Variants in NINL observed in about 807,000 individuals in gnomAD.
NINL encodes ninein like.
A neutral mutation model predicts 160.3 loss-of-function variants in NINL; 153 were observed. That is an observed-to-expected ratio of 0.95 (90% CI 0.84 to 1.09). The LOEUF is 1.09. Ranked by LOEUF, NINL falls within the 50% of genes least tolerant of loss-of-function variation. The pLI is 0.00. For missense variants in NINL, 1,829 were observed against 1,764.0 expected, an observed-to-expected ratio of 1.04 and a Z score of -0.66; for synonymous variants, 800 against 734.8, an observed-to-expected ratio of 1.09 and a Z score of -1.43.
intron 1 of NINL, among the ~76,000 whole-genome samples, chr20:25,530,774 C>T (rs959007983): frequency 2.6e-5 from 4 of 152,026 alleles, no homozygotes; most frequent in South Asian, 2.1e-4. Context: ...ACAGAGATCA[C>T]GTGCTTCATA....
intron 10 of NINL, 97 bp downstream of exon 10, chr20:25,496,566 C>T (rs1456076352): frequency 2.7e-5 from 39 of 1,457,124 alleles, no homozygotes; most frequent in East Asian, 9.1e-5. Flanking sequence ...GAGCCACACC[C>T]GCAGCTCTGG....
intron 20 of NINL, 139 bp downstream of exon 20, chr20:25,462,244 C>A: frequency 1.4e-6 from 1 of 728,898 alleles, no homozygotes; most frequent in African/African-American, 1.8e-5. Flanking sequence ...GCACAGTCCA[C>A]CTACTTCTCC....
chr20:25,526,892 T>C (rs901421142), intron 1 of NINL, among the ~76,000 whole-genome samples: 8 of 152,118 alleles, frequency 5.3e-5, no homozygotes, highest in African/African-American at 1.9e-4. Context: ...AGGCCAGGTA[T>C]GGGTGACTCA....
rs142825156 is a variant in NINL, at chr20:25,535,001, T to C, written c.-11-8403A>G. Among the ~76,000 whole-genome samples the C allele has an allele frequency of 3.9e-5, 6 of 152,372 alleles. No individual in the cohort carries two copies. The East Asian group carries it at 9.6e-4, about 24-fold the overall frequency. On this transcript the variant is annotated intron_variant, in intron 1 of 23. Coordinates refer to ENST00000278886, the MANE Select transcript of NINL (RefSeq NM_025176.6). Reference sequence around the variant, plus strand: ...CATGCCTAACTACATTTTTGATTCATGGTTAGTTAAATCCACAGATGTAGA... The same window carrying C: ...CATGCCTAACTACATTTTTGATTCACGGTTAGTTAAATCCACAGATGTAGA...
intron 1 of NINL, among the ~76,000 whole-genome samples, chr20:25,579,136 G>A (rs946589575): frequency 3.9e-5 from 6 of 152,034 alleles, no homozygotes; most frequent in African/African-American, 1.2e-4. Flanking sequence ...ATAGTCCCTC[G>A]GAGGCAGTAA....
At chr20:25,480,844 C>T (rs573295963) in intron 14 of NINL, among the ~76,000 whole-genome samples, 4 of 152,182 alleles carry the variant, frequency 2.6e-5, no homozygotes, top group East Asian at 1.9e-4. Context: ...CCAGGTGGGA[C>T]GTCAATGGGG....
chr20:25,574,895 A>G (rs2065096982), intron 1 of NINL, among the ~76,000 whole-genome samples: 1 of 152,102 alleles, frequency 6.6e-6, no homozygotes, highest in Non-Finnish European at 1.5e-5. Flanking sequence ...ACAGTATTTC[A>G]TCAAATTTGA....
intron 1 of NINL, among the ~76,000 whole-genome samples, chr20:25,561,388 T>C (rs2064935439): frequency 6.6e-6 from 1 of 151,982 alleles, no homozygotes; most frequent in African/African-American, 2.4e-5. Flanking sequence ...GGCTACAACC[T>C]CCACCTCCCA....
chr20:25,526,344 A>G, intron 2 of NINL, 64 bp downstream of exon 2: 6 of 1,395,918 alleles, frequency 4.3e-6, no homozygotes, highest in Non-Finnish European at 5.9e-6. Flanking sequence ...TATTTATCAA[A>G]TGCCCATAAG....
At chr20:25,510,884 C>T in intron 4 of NINL, 144 bp from the exon 5 acceptor site, 1 of 650,982 alleles carries the variant, frequency 1.5e-6, no homozygotes, top group Non-Finnish European at 2.7e-6. Flanking sequence ...AGCCCACCCC[C>T]ACCTTGGGGC....
chr20:25,577,835 CT>C (rs11476992), intron 1 of NINL, among the ~76,000 whole-genome samples: 113,933 of 141,502 alleles, frequency 0.81, 47,147 homozygotes, highest in East Asian at 0.99. Context: ...CTTTTCTTTT[CT>C]TTTTTTTTTT....
intron 13 of NINL, among the ~76,000 whole-genome samples, chr20:25,486,467 A>C (rs1303126308): frequency 6.6e-6 from 1 of 152,234 alleles, no homozygotes; most frequent in Non-Finnish European, 1.5e-5. Context: ...CTAGGTTCTG[A>C]GTCTGCTCCA....
chr20:25,510,819 G>T (rs150702271), intron 4 of NINL, 79 bp from the exon 5 acceptor site: 5 of 1,081,154 alleles, frequency 4.6e-6, no homozygotes, highest in Middle Eastern at 5.5e-4. Flanking sequence ...AAATAGAGCA[G>T]GATGTTTGGG....
At chr20:25,538,839 C>T (rs765658412) in intron 1 of NINL, among the ~76,000 whole-genome samples, 14 of 151,576 alleles carry the variant, frequency 9.2e-5, no homozygotes, top group African/African-American at 2.4e-4. Context: ...AGCACAAGGC[C>T]GGGGAGCACA....
At chr20:25,572,615 T>C (rs2065066815) in intron 1 of NINL, among the ~76,000 whole-genome samples, 1 of 152,160 alleles carries the variant, frequency 6.6e-6, no homozygotes, top group South Asian at 2.1e-4. Context: ...GAACTCACAG[T>C]GAGTGATAAC....
chr20:25,529,274 TA>T (rs1047204209), intron 1 of NINL, among the ~76,000 whole-genome samples: 13 of 147,918 alleles, frequency 8.8e-5, no homozygotes, highest in South Asian at 6.4e-4. Flanking sequence ...TCTTGTCTCT[TA>T]AAAAAAAAAA....
chr20:25,493,798 G>A (rs1247979775), intron 10 of NINL, among the ~76,000 whole-genome samples: 1 of 151,966 alleles, frequency 6.6e-6, no homozygotes, highest in Non-Finnish European at 1.5e-5. Context: ...ATGCCTTCCA[G>A]GCTCAGGGCA....
At chr20:25,510,289 G>A (rs2064043549) in intron 5 of NINL, among the ~76,000 whole-genome samples, 1 of 152,270 alleles carries the variant, frequency 6.6e-6, no homozygotes, top group South Asian at 2.1e-4. Context: ...AGCCCAGCGT[G>A]CCAGGAAGGA....
At chr20:25,564,723 G>C (rs1424037829) in intron 1 of NINL, among the ~76,000 whole-genome samples, 1 of 151,746 alleles carries the variant, frequency 6.6e-6, no homozygotes, top group African/African-American at 2.4e-5. Flanking sequence ...AAAGTGCTGG[G>C]ATTACAGGTG....
Sources: gnomAD v4.1 joint callset for allele counts (sites outside exome capture counted in the v4.1 genomes callset) on GRCh38, gnomAD v4.1.1 for gene constraint, MANE v1.5 for transcripts, NCBI Gene and HGNC (gene_info 2026-07-23, HGNC 2026-07-21) for gene names.